Variants in NRIP1 observed in about 807,000 individuals in gnomAD.
NRIP1 encodes nuclear receptor-interacting protein 1.
In NRIP1, 28 loss-of-function variants were observed where a neutral mutation model predicts 75.0. The observed-to-expected ratio is 0.37, with a 90% CI of 0.28 to 0.51. The LOEUF is 0.51. Ranked by LOEUF, NRIP1 falls within the 20% of genes least tolerant of loss-of-function variation. The probability of loss-of-function intolerance (pLI) is 0.92; values close to 1 mark genes in which losing one functional copy is unlikely to be tolerated. For missense variants in NRIP1, 1,435 were observed against 1,343.7 expected (o/e 1.07, Z -1.06); for synonymous variants, 526 against 487.6 (o/e 1.08, Z -1.04).
At position 14,962,021 on chromosome 21, in the gene NRIP1, A is replaced by G. The variant is rs1034654882; in HGVS notation, c.*2695T>C. 1 of 34,034 alleles carries G rather than the reference A, an allele frequency of 2.9e-5. No individual in the cohort carries two copies. The highest frequency in any genetic ancestry group is 4.6e-5 in the Non-Finnish European group (1 of 21,812). The allele number at this position is 34,034 out of a possible 1,614,324, so 2.1% of individuals were successfully genotyped here. ...ATATATATATATATACATATTATAT[A>G]TATATATATATATATATATATAAAA... On this transcript the variant is annotated 3_prime_UTR_variant, in exon 4 of 4. Coordinates refer to ENST00000318948, the MANE Select transcript of NRIP1 (RefSeq NM_003489.4).
At chr21:15,003,929 C>T (rs75353947) in intron 3 of NRIP1, among the ~76,000 whole-genome samples, 1,714 of 152,278 alleles carry the variant, frequency 0.011, 20 homozygotes, top group Non-Finnish European at 0.016. Context: ...TTAGGGCACA[C>T]CAGACTCCAG....
rs2086760292 is a variant in NRIP1 at position 14,966,798 on chromosome 21, T to G, written c.1395A>C (p.Gln465His). ...TTGGATCCCAAGTGTTTAGCAAGGA[T>G]TGAGTGAAGTTATCCAGGGAAACAG... ...DQPVSLDNFT[Q>H]SLLNTWDPKV... Residue 465 changes from glutamine to histidine, a missense_variant, in exon 4 of 4, where the codon CAA becomes CAC. By Grantham distance (24) the Gln-to-His change is conservative. Transcript: ENST00000318948. 2 of 1,613,984 alleles carry G rather than the reference T, an allele frequency of 1.2e-6. No homozygotes were observed. Among genetic ancestry groups the G allele is most frequent in the Admixed American group, 3.3e-5 (2 of 59,976 alleles).
chr21:14,970,895 T>C (rs2086886393), intron 3 of NRIP1, among the ~76,000 whole-genome samples: 1 of 152,210 alleles, frequency 6.6e-6, no homozygotes, highest in Non-Finnish European at 1.5e-5. Flanking sequence ...CATTTCTGAA[T>C]TTACAAAGCA....
At chr21:15,048,047 C>T (rs2089124701) in intron 1 of NRIP1, among the ~76,000 whole-genome samples, 1 of 152,138 alleles carries the variant, frequency 6.6e-6, no homozygotes, top group African/African-American at 2.4e-5. Flanking sequence ...GATGGGGGAA[C>T]AGCCAGTCTG....
At position 15,061,619 on chromosome 21, in the gene NRIP1, T is replaced by C. The variant is rs562239726; in HGVS notation, c.-538+3126A>G. Among the ~76,000 whole-genome samples, 3 of 152,320 alleles carry C rather than the reference T, an allele frequency of 2.0e-5. No homozygotes were observed. The East Asian group carries it at 5.8e-4, about 29-fold the overall frequency. On this transcript the variant is annotated intron_variant, in intron 1 of 3. Transcript: ENST00000318948. Reference sequence around the variant, plus strand: ...CAATTTAAAGTGAATAATGTTTTCCTTGACAAAAATTCGGTATTTTAAACT... The same window carrying C: ...CAATTTAAAGTGAATAATGTTTTCCCTGACAAAAATTCGGTATTTTAAACT...
chr21:15,003,335 T>G (rs911849417), intron 3 of NRIP1, among the ~76,000 whole-genome samples: 1 of 152,230 alleles, frequency 6.6e-6, no homozygotes, highest in African/African-American at 2.4e-5. Context: ...TGTAAACAAC[T>G]GCTTTAACAC....
intron 1 of NRIP1, among the ~76,000 whole-genome samples, chr21:15,045,215 G>A (rs1039063581): frequency 6.6e-6 from 1 of 151,992 alleles, no homozygotes; most frequent in Non-Finnish European, 1.5e-5. Context: ...CTCTAGTGTC[G>A]CTGTCTGACG....
At chr21:15,042,053 T>C (rs1012382687) in intron 2 of NRIP1, among the ~76,000 whole-genome samples, 13 of 152,184 alleles carry the variant, frequency 8.5e-5, no homozygotes, top group African/African-American at 1.4e-4. Flanking sequence ...CAATGCAGCA[T>C]GCTGGGGAGA....
At chr21:15,048,863 G>A (rs2089143284) in intron 1 of NRIP1, among the ~76,000 whole-genome samples, 1 of 152,184 alleles carries the variant, frequency 6.6e-6, no homozygotes, top group Admixed American at 6.5e-5. Context: ...GATCCACTTA[G>A]ACAGTGTGGC....
intron 2 of NRIP1, among the ~76,000 whole-genome samples, chr21:15,030,187 T>G (rs1042478235): frequency 3.3e-5 from 5 of 152,086 alleles, no homozygotes; most frequent in Non-Finnish European, 7.4e-5. Flanking sequence ...GATGGCAGAG[T>G]AGAAAACAGA....
intron 3 of NRIP1, among the ~76,000 whole-genome samples, chr21:14,987,377 T>C (rs1211751776): frequency 6.6e-6 from 1 of 152,188 alleles, no homozygotes; most frequent in African/African-American, 2.4e-5. Flanking sequence ...TGTTGAGTTT[T>C]AGTCTGACTA....
At chr21:15,065,551 G>A (rs527834021), upstream of NRIP1, among the ~76,000 whole-genome samples, 19 of 152,138 alleles carry the variant, frequency 1.2e-4, no homozygotes, top group East Asian at 2.3e-3. Flanking sequence ...GCGCTCTCTG[G>A]GCCCCCTTTC....
At chr21:14,974,967 C>G (rs2087011638) in intron 3 of NRIP1, among the ~76,000 whole-genome samples, 1 of 151,848 alleles carries the variant, frequency 6.6e-6, no homozygotes, top group African/African-American at 2.4e-5. Context: ...AAAAAAATAG[C>G]TGGGTGTGAT....
At chr21:15,048,718 A>G (rs1166957834) in intron 1 of NRIP1, among the ~76,000 whole-genome samples, 1 of 152,254 alleles carries the variant, frequency 6.6e-6, no homozygotes, top group Non-Finnish European at 1.5e-5. Flanking sequence ...GTTCCATCTG[A>G]ACTATGTAAG....
chr21:15,024,564 C>CAG (rs911696630), intron 2 of NRIP1, among the ~76,000 whole-genome samples: 5 of 124,512 alleles, frequency 4.0e-5, no homozygotes, highest in Non-Finnish European at 8.0e-5. Context: ...CTTTGGTATC[C>CAG]AGAGTGTGTG....
Position 14,966,867 on chromosome 21 carries a change from G to A in NRIP1, c.1326C>T (p.Asp442=), listed in dbSNP as rs1050241591. 1.9e-6 allele frequency: 3 copies of A among 1,614,076 alleles called. No individual in the cohort carries two copies. Among genetic ancestry groups the A allele is most frequent in the African/African-American group, 1.3e-5 (1 of 75,034 alleles). The change falls in exon 4 of 4, where the codon GAC becomes GAT. Residue 442 remains aspartate, a synonymous_variant. Transcript: ENST00000318948. ...TTTCAGTTCGGTGTTTGCAAGACAA[G>A]TCTATGGGAACACAGTTGGAATAAG... The part of the protein sequence containing the change: ...ESSYSNCVPI[D]LSCKHRTEKS...
chr21:15,040,337 C>T (rs2088925683), intron 2 of NRIP1, among the ~76,000 whole-genome samples: 1 of 151,998 alleles, frequency 6.6e-6, no homozygotes, highest in Admixed American at 6.6e-5. Flanking sequence ...CTACTAGAAA[C>T]TTTAACATTT....
intron 3 of NRIP1, among the ~76,000 whole-genome samples, chr21:15,009,375 A>G (rs554250893): frequency 3.3e-5 from 5 of 152,352 alleles, no homozygotes; most frequent in African/African-American, 9.6e-5. Context: ...TAAGTGATAA[A>G]CCAGCCCTTA....
At position 15,062,577 on chromosome 21, in the gene NRIP1, A is replaced by G. The variant is rs1978394855; in HGVS notation, c.-538+2168T>C. On this transcript the variant is annotated intron_variant, in intron 1 of 3. Coordinates refer to ENST00000318948, the MANE Select transcript of NRIP1 (RefSeq NM_003489.4). ...TCAACTTGATATGTCATAATTTTCA[A>G]TTCTAAAGGTGGCACGGATAATTTA... Among the ~76,000 whole-genome samples the G allele has an allele frequency of 2.0e-5, 3 of 152,246 alleles. No homozygotes were observed. In the South Asian group the frequency reaches 6.2e-4, roughly 31 times the overall value.
Sources: gnomAD v4.1 joint callset for allele counts (sites outside exome capture counted in the v4.1 genomes callset) on GRCh38, gnomAD v4.1.1 for gene constraint, MANE v1.5 for transcripts, NCBI Gene and HGNC (gene_info 2026-07-23, HGNC 2026-07-21) for gene names.